Variants in DZIP3 observed in about 807,000 individuals in gnomAD.
DZIP3 encodes DAZ interacting zinc finger protein 3.
In DZIP3, 118 loss-of-function variants were observed where a neutral mutation model predicts 162.0. That is an observed-to-expected ratio of 0.73 (90% CI 0.63 to 0.85). DZIP3 has a LOEUF of 0.85. Among genes scored for constraint, DZIP3 ranks in the 40% least tolerant of loss-of-function variants. DZIP3 has a pLI of 0.00. For synonymous variants in DZIP3, 438 were observed against 458.6 expected, an observed-to-expected ratio of 0.96 and a Z score of 0.57; for missense variants, 1,331 against 1,407.0, an observed-to-expected ratio of 0.95 and a Z score of 0.86.
intron 21 of DZIP3, among the ~76,000 whole-genome samples, chr3:108,668,136 G>A (rs1943757660): frequency 6.6e-6 from 1 of 152,016 alleles, no homozygotes; most frequent in Non-Finnish European, 1.5e-5. Context: ...TGCAGTAAAT[G>A]TTTGGCAAAT....
intron 1 of DZIP3, among the ~76,000 whole-genome samples, chr3:108,593,301 C>G (rs1312898243): frequency 6.6e-6 from 1 of 152,104 alleles, no homozygotes; most frequent in Non-Finnish European, 1.5e-5. Flanking sequence ...GATTTCCATT[C>G]TAGAGATGAA....
intron 25 of DZIP3, 145 bp from the exon 26 acceptor site, chr3:108,677,352 G>A (rs201010878): frequency 7.4e-6 from 2 of 268,638 alleles, no homozygotes; most frequent in Middle Eastern, 1.1e-3. Context: ...TTTTTTTTTT[G>A]GTCAGAACCT....
intron 8 of DZIP3, among the ~76,000 whole-genome samples, chr3:108,631,047 ACACACACACTCT>A (rs1326761395): frequency 5.5e-5 from 4 of 72,534 alleles, no homozygotes; most frequent in African/African-American, 6.4e-5. Context: ...ACACACACAC[ACACACACACTCT>A]CTCTCTCTCT....
chr3:108,622,880 C>CTCTCTCTCTCTCTCTCTCTCTCTCTGTG (rs796232998), intron 5 of DZIP3, among the ~76,000 whole-genome samples: 1 of 53,094 alleles, frequency 1.9e-5, no homozygotes, highest in African/African-American at 7.8e-5. Context: ...CTCTCTCTCT[C>CTCTCTCTCTCTCTCTCTCTCTCTCTGTG]TGTGTGTGTG....
intron 8 of DZIP3, among the ~76,000 whole-genome samples, chr3:108,631,055 A>ACACTCTCTCTCT: frequency 3.9e-4 from 7 of 18,016 alleles, no homozygotes; most frequent in Admixed American, 8.5e-4. Context: ...ACACACACAC[A>ACACTCTCTCTCT]CTCTCTCTCT....
At chr3:108,650,849 C>T (rs1392360499) in intron 17 of DZIP3, among the ~76,000 whole-genome samples, 2 of 151,090 alleles carry the variant, frequency 1.3e-5, no homozygotes, top group East Asian at 3.9e-4. Flanking sequence ...GATAATAAGA[C>T]CAATTTAGTA....
intron 8 of DZIP3, among the ~76,000 whole-genome samples, chr3:108,631,053 A>ACTCTCTCT (rs1559741298): frequency 5.0e-4 from 16 of 32,292 alleles, no homozygotes; most frequent in Non-Finnish European, 7.3e-4. Flanking sequence ...ACACACACAC[A>ACTCTCTCT]CACTCTCTCT....
intron 28 of DZIP3, 29 bp downstream of exon 28, chr3:108,686,613 A>T: frequency 6.6e-7 from 1 of 1,514,194 alleles, no homozygotes. Context: ...ATTGGTGGGT[A>T]CAGATCATAT....
intron 12 of DZIP3, among the ~76,000 whole-genome samples, chr3:108,641,240 CTACT>C (rs1281915945): frequency 2.6e-5 from 4 of 152,134 alleles, no homozygotes; most frequent in Admixed American, 6.5e-5. Context: ...TGTTTTACTT[CTACT>C]TACTTTATAA....
intron 8 of DZIP3, among the ~76,000 whole-genome samples, chr3:108,632,706 CTCTCCAT>C (rs1391298106): frequency 6.6e-6 from 1 of 152,202 alleles, no homozygotes; most frequent in African/African-American, 2.4e-5. Flanking sequence ...ACATACACTT[CTCTCCAT>C]TCTCCATGTT....
At chr3:108,620,193 T>A (rs1463211617) in intron 5 of DZIP3, among the ~76,000 whole-genome samples, 3 of 152,160 alleles carry the variant, frequency 2.0e-5, no homozygotes, top group Non-Finnish European at 4.4e-5. Context: ...TGTAGCAACA[T>A]CCACAGTGTT....
At chr3:108,669,624 CTG>C in intron 21 of DZIP3, 55 bp from the exon 22 acceptor site, 4 of 1,512,402 alleles carry the variant, frequency 2.6e-6, no homozygotes, top group South Asian at 1.2e-5. Context: ...GCTCTTCTGA[CTG>C]TGTTAATGAG....
intron 13 of DZIP3, 145 bp from the exon 14 acceptor site, chr3:108,644,019 G>A (rs1942511403): frequency 1.1e-6 from 1 of 947,720 alleles, no homozygotes; most frequent in Non-Finnish European, 1.5e-6. Flanking sequence ...TGCTAATTGA[G>A]CACTGGCTGT....
intron 17 of DZIP3, among the ~76,000 whole-genome samples, chr3:108,649,934 G>C (rs1942790012): frequency 6.6e-6 from 1 of 151,744 alleles, no homozygotes; most frequent in African/African-American, 2.4e-5. Context: ...CTGACTTTTA[G>C]ACAGTTCTTA....
chr3:108,684,070 C>A, intron 26 of DZIP3, 146 bp from the exon 27 acceptor site: 3 of 811,550 alleles, frequency 3.7e-6, no homozygotes, highest in Non-Finnish European at 5.4e-6. Flanking sequence ...TTCTGACATA[C>A]ATTGTTTCTA....
At chr3:108,686,970 C>T (rs1202178262) in intron 28 of DZIP3, among the ~76,000 whole-genome samples, 1 of 152,056 alleles carries the variant, frequency 6.6e-6, no homozygotes, top group African/African-American at 2.4e-5. Flanking sequence ...GATTTAATTT[C>T]CTAATTTCCT....
At chr3:108,658,515 C>G (rs1943254746) in intron 19 of DZIP3, among the ~76,000 whole-genome samples, 2 of 152,064 alleles carry the variant, frequency 1.3e-5, no homozygotes, top group Admixed American at 6.6e-5. Context: ...ATTTGTAGCA[C>G]TAAATGCCCA....
Position 108,630,900 on chromosome 3 carries a change from T to C in DZIP3, c.696+1724T>C, listed in dbSNP as rs574904114. ...ACTTTCTAGACATTTTTCTTTGATG[T>C]TTACCTATTTTTCAAAAGAAATACT... is the stretch of plus-strand genomic sequence containing the variant. On this transcript the variant is annotated intron_variant, in intron 8 of 32. Coordinates refer to ENST00000361582, the MANE Select transcript of DZIP3 (RefSeq NM_014648.4). Among the ~76,000 whole-genome samples the C allele has an allele frequency of 7.9e-5, 12 of 151,860 alleles. 1 individual carries two copies. The highest frequency in any genetic ancestry group is 1.8e-4 in the Non-Finnish European group (12 of 67,990).
chr3:108,653,533 A>G (rs57165283), intron 18 of DZIP3, among the ~76,000 whole-genome samples: 29,301 of 142,362 alleles, frequency 0.21, 3,788 homozygotes, highest in East Asian at 0.45. Flanking sequence ...ATATATATAT[A>G]TATATATATG....
Sources: allele counts gnomAD v4.1 joint callset (sites outside exome capture counted in the v4.1 genomes callset), GRCh38; gene constraint gnomAD v4.1.1; transcripts MANE v1.5; gene names NCBI Gene and HGNC (gene_info 2026-07-23, HGNC 2026-07-21).